Variants in GAS7 observed in about 807,000 individuals in gnomAD.
The protein encoded by GAS7 is growth arrest-specific protein 7.
A neutral mutation model predicts 71.1 loss-of-function variants in GAS7; 28 were observed. The ratio of observed to expected loss-of-function variants is 0.39; its 90% CI spans 0.29 to 0.54. The LOEUF is 0.54. GAS7 is among the 20% of genes least tolerant of loss of function. The probability of loss-of-function intolerance (pLI) is 0.62; values close to 1 mark genes in which losing one functional copy is unlikely to be tolerated. For synonymous variants in GAS7, 258 were observed against 245.8 expected (o/e 1.05, Z -0.46); for missense variants, 436 against 627.8 (o/e 0.69, Z 3.27).
chr17:10,056,824 C>G (rs1178650772), intron 1 of GAS7, among the ~76,000 whole-genome samples: 1 of 151,922 alleles, frequency 6.6e-6, no homozygotes, highest in Non-Finnish European at 1.5e-5. Context: ...TTTCCACGGT[C>G]TCCCTCTGAT....
At chr17:10,101,311 G>A (rs2073696321) in intron 1 of GAS7, among the ~76,000 whole-genome samples, 1 of 152,238 alleles carries the variant, frequency 6.6e-6, no homozygotes, top group South Asian at 2.1e-4. Flanking sequence ...TGAGGCATTT[G>A]TTAGTTTCTT....
At chr17:10,044,135 G>A (rs2152230249) in intron 1 of GAS7, among the ~76,000 whole-genome samples, 1 of 152,292 alleles carries the variant, frequency 6.6e-6, no homozygotes, top group African/African-American at 2.4e-5. Context: ...CTGCTTCTGG[G>A]GAATGCTTTC....
chr17:10,155,757 G>A (rs1363081883), intron 1 of GAS7, among the ~76,000 whole-genome samples: 7 of 152,138 alleles, frequency 4.6e-5, no homozygotes, highest in Admixed American at 4.6e-4. Flanking sequence ...TACAGCAGTG[G>A]TTTAAAGTTT....
chr17:10,121,710 T>C (rs1006659333), intron 1 of GAS7, among the ~76,000 whole-genome samples: 4 of 152,030 alleles, frequency 2.6e-5, no homozygotes, highest in African/African-American at 7.3e-5. Context: ...CACCTGTGGG[T>C]TGAGGAGATA....
chr17:9,927,329 A>ACACACACACACACACT (rs2068044438), intron 9 of GAS7, among the ~76,000 whole-genome samples: 1 of 150,806 alleles, frequency 6.6e-6, no homozygotes, highest in Non-Finnish European at 1.5e-5. Context: ...ACACACACAC[A>ACACACACACACACACT]CACACAAATT....
rs1377129904 is a variant in GAS7, at chr17:10,086,685, T to C, written c.184-66788A>G. Among the ~76,000 whole-genome samples, 7 of 152,362 alleles carry C rather than the reference T, an allele frequency of 4.6e-5. No homozygotes were observed. The East Asian group carries it at 1.3e-3, about 29-fold the overall frequency. The stretch of plus-strand genomic sequence containing the variant: ...ACCAAAGCTTATTCATTAATACACC[T>C]TGAAGGGTGGCATGTGGAAGAAATA... On this transcript the variant is annotated intron_variant, in intron 1 of 13. Transcript: ENST00000432992.
chr17:10,010,245 G>T (rs1205742449), intron 2 of GAS7, among the ~76,000 whole-genome samples: 1 of 151,924 alleles, frequency 6.6e-6, no homozygotes, highest in East Asian at 1.9e-4. Flanking sequence ...CACCTCCTGG[G>T]TTCACGCCAT....
intron 1 of GAS7, among the ~76,000 whole-genome samples, chr17:10,184,596 T>C (rs2074438696): frequency 1.3e-5 from 2 of 152,322 alleles, no homozygotes; most frequent in Admixed American, 6.5e-5. Flanking sequence ...TGGCATCACC[T>C]GGGAGCTGGC....
chr17:10,167,272 T>C (rs1597831457), intron 1 of GAS7, among the ~76,000 whole-genome samples: 2 of 151,810 alleles, frequency 1.3e-5, no homozygotes, highest in African/African-American at 4.8e-5. Context: ...GGTCAGGCTG[T>C]TCTCGAACTC....
chr17:10,079,814 C>T (rs535255163), intron 1 of GAS7, among the ~76,000 whole-genome samples: 1 of 152,264 alleles, frequency 6.6e-6, no homozygotes, highest in African/African-American at 2.4e-5. Context: ...AAATATTCGA[C>T]AGAGTTTCAC....
At chr17:9,951,824 G>T (rs2069030337) in intron 5 of GAS7, among the ~76,000 whole-genome samples, 1 of 150,158 alleles carries the variant, frequency 6.7e-6, no homozygotes, top group Non-Finnish European at 1.5e-5. Flanking sequence ...GAAGAGGCTT[G>T]GCCAAAACGT....
At chr17:9,945,456 T>C (rs55728935) in intron 6 of GAS7, among the ~76,000 whole-genome samples, 2,167 of 152,198 alleles carry the variant, frequency 0.014, 56 homozygotes, top group African/African-American at 0.049. Context: ...TGAGCTCACC[T>C]GCCCAGGTCT....
chr17:10,133,122 A>ATATATATAT lies in GAS7; in HGVS notation c.183+65085_183+65086insATATATATA, dbSNP rs1392845338. On this transcript the variant is annotated intron_variant, in intron 1 of 13. Coordinates refer to ENST00000432992, the MANE Select transcript of GAS7 (RefSeq NM_201433.2). Reference sequence around the variant, plus strand: ...TTATAATTAGATTATATATTTTTATATTTTTTTTTTTTCTTTTTTGAGATG... The same window carrying ATATATATAT: ...TTATAATTAGATTATATATTTTTATATATATATATTTTTTTTTTTTTCTTTTTTGAGATG... 4.5e-4 allele frequency among the ~76,000 whole-genome samples: 54 copies of ATATATATAT among 118,912 alleles called. 1 individual carries two copies. The highest frequency in any genetic ancestry group is 7.9e-4 in the Non-Finnish European group (42 of 53,028). The allele number at this position is 118,912 out of a possible 152,430, so 78.0% of individuals were successfully genotyped here.
intron 2 of GAS7, among the ~76,000 whole-genome samples, chr17:10,010,580 T>C (rs2071730633): frequency 6.6e-6 from 1 of 152,236 alleles, no homozygotes; most frequent in Admixed American, 6.5e-5. Context: ...GACAGGGCTA[T>C]ATACTGAGAA....
At chr17:9,936,019 A>G (rs2068387826) in intron 8 of GAS7, among the ~76,000 whole-genome samples, 2 of 152,206 alleles carry the variant, frequency 1.3e-5, no homozygotes, top group Non-Finnish European at 2.9e-5. Flanking sequence ...GACTGCAGCA[A>G]AGAGGTTAGG....
At chr17:9,975,163 T>C (rs1162644529) in intron 3 of GAS7, among the ~76,000 whole-genome samples, 1 of 152,214 alleles carries the variant, frequency 6.6e-6, no homozygotes, top group Non-Finnish European at 1.5e-5. Context: ...GTGACCAGCC[T>C]GCCTAACATG....
intron 5 of GAS7, among the ~76,000 whole-genome samples, chr17:9,949,586 G>A (rs1346461335): frequency 2.0e-5 from 3 of 152,072 alleles, no homozygotes; most frequent in Non-Finnish European, 4.4e-5. Flanking sequence ...ACAAAAGAAG[G>A]AGCCTCCTCC....
chr17:10,062,423 T>A (rs1290065675), intron 1 of GAS7, among the ~76,000 whole-genome samples: 1 of 152,142 alleles, frequency 6.6e-6, no homozygotes, highest in African/African-American at 2.4e-5. Flanking sequence ...AGGTGGAGGT[T>A]GCAGTGAGCC....
chr17:10,143,511 C>T (rs7226270), intron 1 of GAS7, among the ~76,000 whole-genome samples: 101,405 of 150,068 alleles, frequency 0.68, 34,468 homozygotes, highest in Middle Eastern at 0.74. Context: ...CATTGCACTA[C>T]AGCCTGGGCA....
Sources: allele counts gnomAD v4.1 joint callset (sites outside exome capture counted in the v4.1 genomes callset), GRCh38; gene constraint gnomAD v4.1.1; transcripts MANE v1.5; gene names NCBI Gene and HGNC (gene_info 2026-07-23, HGNC 2026-07-21).